The following SHISA6 variants were observed in gnomAD, a reference collection of about 807,000 sequenced individuals.
SHISA6 encodes shisa family member 6, also known as protein shisa-6.
A neutral mutation model predicts 47.9 loss-of-function variants in SHISA6; 22 were observed. The ratio of observed to expected loss-of-function variants is 0.46; its 90% CI spans 0.33 to 0.66. SHISA6 has a LOEUF of 0.66. SHISA6 is among the 30% of genes least tolerant of loss of function. The pLI, the probability that SHISA6 is intolerant of heterozygous loss-of-function variation, is 0.02. For missense variants in SHISA6, 680 were observed against 764.6 expected (o/e 0.89, Z 1.30); for synonymous variants, 388 against 337.8 (o/e 1.15, Z -1.63).
At chr17:11,455,002 T>C (rs1241736991) in intron 3 of SHISA6, among the ~76,000 whole-genome samples, 2 of 147,198 alleles carry the variant, frequency 1.4e-5, no homozygotes, top group Non-Finnish European at 3.0e-5. Context: ...ATCCTGTCTC[T>C]ACTAAAAATA....
intron 3 of SHISA6, among the ~76,000 whole-genome samples, chr17:11,537,285 A>G (rs2071795699): frequency 6.6e-6 from 1 of 152,038 alleles, no homozygotes; most frequent in Admixed American, 6.6e-5. Context: ...GGAAAGCAAG[A>G]GAGTGGACAG....
intron 3 of SHISA6, among the ~76,000 whole-genome samples, chr17:11,534,014 G>T (rs139598546): frequency 0.058 from 8,801 of 151,618 alleles, 291 homozygotes; most frequent in Middle Eastern, 0.099. Context: ...TTTCACTCTT[G>T]TTGCCCTGGC....
chr17:11,255,688 T>C (rs969992695), intron 1 of SHISA6, among the ~76,000 whole-genome samples: 4 of 152,154 alleles, frequency 2.6e-5, no homozygotes, highest in African/African-American at 9.7e-5. Context: ...ATATGGGGCG[T>C]GGATGGTCCC....
chr17:11,261,665 A>G lies in SHISA6; in HGVS notation c.639-1701A>G, dbSNP rs150736276. On this transcript the variant is annotated intron_variant, in intron 1 of 5. Transcript: ENST00000441885. ...TGCCTTTTTTAAATGACTGAATAAT[A>G]TTCCATTGTGTGAATAGACCACATT... 3.8e-4 allele frequency among the ~76,000 whole-genome samples: 58 copies of G among 152,348 alleles called. 1 individual carries two copies. The highest frequency in any genetic ancestry group is 2.7e-3 in the South Asian group (13 of 4,824).
chr17:11,516,592 C>T (rs1164637008), intron 3 of SHISA6, among the ~76,000 whole-genome samples: 2 of 152,186 alleles, frequency 1.3e-5, no homozygotes, highest in African/African-American at 4.8e-5. Context: ...TGTAAATATT[C>T]CCACTGTGGC....
chr17:11,408,287 A>G (rs2142270038), intron 3 of SHISA6, among the ~76,000 whole-genome samples: 1 of 152,358 alleles, frequency 6.6e-6, no homozygotes, highest in East Asian at 1.9e-4. Flanking sequence ...AGTGGTTCTC[A>G]AAGTGTGGCT....
At chr17:11,545,358 G>A (rs1007670198) in intron 3 of SHISA6, among the ~76,000 whole-genome samples, 1 of 152,094 alleles carries the variant, frequency 6.6e-6, no homozygotes, top group African/African-American at 2.4e-5. Context: ...AGGAATGAAC[G>A]ATTTATTGGT....
chr17:11,246,763 C>T (rs918547975), intron 1 of SHISA6, among the ~76,000 whole-genome samples: 1 of 152,188 alleles, frequency 6.6e-6, no homozygotes, highest in Non-Finnish European at 1.5e-5. Context: ...CCCTGCTCAC[C>T]TTCCCTGGGC....
intron 3 of SHISA6, among the ~76,000 whole-genome samples, chr17:11,420,854 G>A (rs1485948667): frequency 6.6e-6 from 1 of 152,224 alleles, no homozygotes; most frequent in African/African-American, 2.4e-5. Context: ...CCAGGATATT[G>A]ACAGAGGGTA....
intron 2 of SHISA6, among the ~76,000 whole-genome samples, chr17:11,312,180 C>G (rs1426231526): frequency 6.6e-6 from 1 of 152,094 alleles, no homozygotes; most frequent in Non-Finnish European, 1.5e-5. Flanking sequence ...TACATGTTTT[C>G]TAAATGTATT....
intron 3 of SHISA6, among the ~76,000 whole-genome samples, chr17:11,487,436 G>A (rs1196304015): frequency 1.3e-5 from 2 of 152,216 alleles, no homozygotes; most frequent in Non-Finnish European, 2.9e-5. Flanking sequence ...ACTGTTCCCA[G>A]AGAATGTTGT....
At chr17:11,420,897 G>A (rs2142281140) in intron 3 of SHISA6, among the ~76,000 whole-genome samples, 1 of 152,330 alleles carries the variant, frequency 6.6e-6, no homozygotes, top group South Asian at 2.1e-4. Flanking sequence ...ATAGCAGGAG[G>A]TAGGATTCTG....
At chr17:11,290,177 G>A (rs935029218) in intron 2 of SHISA6, 1 of 151,938 alleles carries the variant, frequency 6.6e-6, no homozygotes, top group Non-Finnish European at 1.5e-5. Flanking sequence ...TAGATTTTGT[G>A]ACCTAAATTA....
chr17:11,481,449 T>A (rs1462003124), intron 3 of SHISA6, among the ~76,000 whole-genome samples: 1 of 150,208 alleles, frequency 6.7e-6, no homozygotes, highest in East Asian at 1.9e-4. Context: ...ATATGCTTAT[T>A]AAAATATAAT....
chr17:11,316,414 T>G (rs1910521008), intron 2 of SHISA6, among the ~76,000 whole-genome samples: 1 of 58,844 alleles, frequency 1.7e-5, no homozygotes, highest in Non-Finnish European at 3.0e-5. Context: ...TCTCTCTCTC[T>G]CTCTCTTTTT....
At chr17:11,391,983 G>GA (rs1436818244) in intron 3 of SHISA6, among the ~76,000 whole-genome samples, 5 of 152,146 alleles carry the variant, frequency 3.3e-5, no homozygotes, top group Non-Finnish European at 7.3e-5. Flanking sequence ...ACATAGGACT[G>GA]AAAAGAAGTG....
chr17:11,272,534 G>T (rs564153947), intron 2 of SHISA6, among the ~76,000 whole-genome samples: 2 of 152,254 alleles, frequency 1.3e-5, no homozygotes, highest in South Asian at 4.1e-4. Flanking sequence ...TTAACCTTCC[G>T]TGCTTCAGTT....
At chr17:11,499,327 GAGTGGACTATAA>G (rs1278558835) in intron 3 of SHISA6, among the ~76,000 whole-genome samples, 1 of 152,122 alleles carries the variant, frequency 6.6e-6, no homozygotes, top group Non-Finnish European at 1.5e-5. Context: ...GCCACTTGGG[GAGTGGACTATAA>G]AGCACCATTA....
intron 2 of SHISA6, among the ~76,000 whole-genome samples, chr17:11,379,105 T>G (rs919668743): frequency 7.4e-5 from 11 of 149,204 alleles, no homozygotes; most frequent in Non-Finnish European, 7.4e-5. Context: ...TACATATATG[T>G]GTGTATATAT....
Sources: gnomAD v4.1 joint callset for allele counts (sites outside exome capture counted in the v4.1 genomes callset) on GRCh38, gnomAD v4.1.1 for gene constraint, MANE v1.5 for transcripts, NCBI Gene and HGNC (gene_info 2026-07-23, HGNC 2026-07-21) for gene names.